The following INPP5K variants were observed in gnomAD, a reference collection of about 807,000 sequenced individuals.
The protein encoded by INPP5K is inositol polyphosphate-5-phosphatase K.
A neutral mutation model predicts 53.5 loss-of-function variants in INPP5K; 35 were observed. That is an observed-to-expected ratio of 0.65 (90% CI 0.50 to 0.87). The LOEUF is 0.87. INPP5K is among the 40% of genes least tolerant of loss of function. The pLI is 0.00. For missense variants in INPP5K, 550 were observed against 586.2 expected (o/e 0.94, Z 0.64); for synonymous variants, 253 against 232.8 (o/e 1.09, Z -0.79).
In INPP5K at chr17:1,513,525, A is replaced by G; in HGVS notation, c.189T>C (p.Leu63=). Residue 63 remains leucine (L), a synonymous_variant, in exon 3 of 12, where the codon CTT becomes CTC. Coordinates refer to ENST00000421807, the MANE Select transcript of INPP5K (RefSeq NM_016532.4). ...QELNSGIISL[L]SDAAFNDSWS... is the part of the protein sequence containing the mutation. ...ACGAGTCATTAAAGGCAGCATCGGA[A>G]AGGAGGCTTATGATCCCAGAGTTCA... is the stretch of plus-strand genomic sequence containing the variant. The G allele has an allele frequency of 6.2e-7, 1 of 1,614,232 alleles. No individual in the cohort carries two copies. The highest frequency in any genetic ancestry group is 8.5e-7 in the Non-Finnish European group (1 of 1,180,038).
chr17:1,501,127 T>G (rs2075001023), intron 7 of INPP5K, among the ~76,000 whole-genome samples: 1 of 152,040 alleles, frequency 6.6e-6, no homozygotes, highest in African/African-American at 2.4e-5. Context: ...GCCCAGCTAA[T>G]TTTTGTATTT....
At chr17:1,502,124 C>T (rs564644852) in intron 7 of INPP5K, among the ~76,000 whole-genome samples, 51 of 151,822 alleles carry the variant, frequency 3.4e-4, no homozygotes, top group East Asian at 2.5e-3. Flanking sequence ...CCAAGGCGGG[C>T]AGATCATGAG....
intron 3 of INPP5K, among the ~76,000 whole-genome samples, chr17:1,510,788 G>A (rs573288647): frequency 3.0e-4 from 46 of 152,140 alleles, no homozygotes; most frequent in African/African-American, 1.0e-3. Flanking sequence ...CAACATGCCC[G>A]GCTATTTTTG....
intron 4 of INPP5K, 28 bp downstream of exon 4, chr17:1,509,655 A>T (rs2075259911): frequency 1.4e-6 from 2 of 1,416,374 alleles, no homozygotes; most frequent in South Asian, 2.3e-5. Context: ...TTCCCAGCTC[A>T]CGACTCAGAC....
intron 9 of INPP5K, 84 bp from the exon 10 acceptor site, chr17:1,496,486 G>T: frequency 1.5e-6 from 2 of 1,353,290 alleles, no homozygotes; most frequent in Non-Finnish European, 2.1e-6. Context: ...TCTCCCTGCT[G>T]GGCCTGGCTA....
intron 3 of INPP5K, among the ~76,000 whole-genome samples, chr17:1,510,007 T>A (rs1347275011): frequency 1.3e-5 from 2 of 152,172 alleles, no homozygotes; most frequent in African/African-American, 4.8e-5. Flanking sequence ...GGGGCTGAGG[T>A]TTTCGATTCT....
Position 1,502,193 on chromosome 17 carries a change from C to CA in INPP5K, c.777-4072dup, listed in dbSNP as rs1334128576. On this transcript the variant is annotated intron_variant, in intron 7 of 11. Coordinates refer to ENST00000421807, the MANE Select transcript of INPP5K (RefSeq NM_016532.4). ...TGAAACCCCGTCTCTACTAAAAATACAAAAAATTAGCCAGGCGTGGTGACG... is the reference window on the plus strand; with the variant it reads ...TGAAACCCCGTCTCTACTAAAAATACAAAAAAATTAGCCAGGCGTGGTGACG... Among the ~76,000 whole-genome samples, 7 of 150,494 alleles carry CA rather than the reference C, an allele frequency of 4.7e-5. No individual in the cohort carries two copies. In the East Asian group the frequency reaches 9.9e-4, roughly 21 times the overall value.
In INPP5K at chr17:1,508,103, C is replaced by T; in HGVS notation, c.666+12G>A. On this transcript the variant is annotated intron_variant, in intron 6 of 11. Transcript: ENST00000421807. ...TCAGATCACCCCCTGGGACCCTCCC[C>T]TCACTGGATACCTGGTCCTTCTCCC... 1.3e-6 allele frequency: 2 copies of T among 1,592,150 alleles called. No individual in the cohort carries two copies. The highest frequency in any genetic ancestry group is 2.7e-5 in the African/African-American group (2 of 74,612).
rs747542155 is a variant in INPP5K at position 1,497,984 on chromosome 17, C to T, written c.915G>A (p.Thr305=). The part of the protein sequence containing the change: ...LSLRGYSSHM[T]YGISDHKPVS... Reference sequence around the variant, plus strand: ...CAGGCTTGTGGTCGCTGATGCCGTACGTCATGTGGCTGCTGTAGCCCCTCA... The same window carrying T: ...CAGGCTTGTGGTCGCTGATGCCGTATGTCATGTGGCTGCTGTAGCCCCTCA... Residue 305 remains threonine (T), a synonymous_variant, in exon 8 of 12, where the codon ACG becomes ACA. Transcript: ENST00000421807. 40 of 1,613,972 alleles carry T rather than the reference C, an allele frequency of 2.5e-5. No homozygotes were observed. In the South Asian group the frequency reaches 2.9e-4, roughly 12 times the overall value.
intron 7 of INPP5K, among the ~76,000 whole-genome samples, chr17:1,502,200 T>C (rs765097097): frequency 1.7e-4 from 26 of 151,720 alleles, no homozygotes; most frequent in Middle Eastern, 3.4e-3. Flanking sequence ...ATACAAAAAA[T>C]TAGCCAGGCG....
intron 3 of INPP5K, among the ~76,000 whole-genome samples, chr17:1,512,055 T>G (rs762072015): frequency 6.6e-6 from 1 of 152,162 alleles, no homozygotes; most frequent in Non-Finnish European, 1.5e-5. Flanking sequence ...CTTCTCAGTC[T>G]ATAGCTGGCA....
Position 1,509,187 on chromosome 17 carries a change from A to G in INPP5K, c.545T>C (p.Leu182Pro). ...NCEGRDIPNI[L>P]DHDLIIWFGD... ...CCAGACCCAGGCTCACTCGTGGTCC[A>G]GGATGTTTGGGATGTCTCGCCCCTC... The change falls in exon 5 of 12, where the codon CTG (leucine) becomes CCG (proline). Residue 182 changes from leucine to proline, a missense_variant. Leu to Pro is a moderately conservative substitution (Grantham distance 98). Transcript: ENST00000421807. 5.6e-6 allele frequency: 9 copies of G among 1,612,772 alleles called. No homozygotes were observed. Among genetic ancestry groups the G allele is most frequent in the Non-Finnish European group, 7.6e-6 (9 of 1,179,908 alleles).
chr17:1,508,030 G>C, intron 6 of INPP5K, 85 bp downstream of exon 6: 1 of 969,322 alleles, frequency 1.0e-6, no homozygotes, highest in South Asian at 1.3e-5. Flanking sequence ...ACAGCAGCGA[G>C]GGCATCTAGC....
At position 1,495,732 on chromosome 17, in the gene INPP5K, G is replaced by T; in HGVS notation, c.*91C>A. 1.1e-6 allele frequency: 1 copy of T among 877,212 alleles called. No individual in the cohort carries two copies. The highest frequency in any genetic ancestry group is 1.4e-5 in the South Asian group (1 of 69,486). The allele number at this position is 877,212 out of a possible 1,614,324, so 54.3% of individuals were successfully genotyped here. On this transcript the variant is annotated 3_prime_UTR_variant, in exon 12 of 12. Coordinates refer to ENST00000421807, the MANE Select transcript of INPP5K (RefSeq NM_016532.4). ...ACGACACTTGGCTGTCTCTTCAGGG[G>T]GCCAGGCTGGGCCCCCAGCACTCCC... is the stretch of plus-strand genomic sequence containing the variant.
chr17:1,500,664 A>G (rs1212358451), intron 7 of INPP5K, among the ~76,000 whole-genome samples: 1 of 151,728 alleles, frequency 6.6e-6, no homozygotes, highest in African/African-American at 2.4e-5. Flanking sequence ...GCGCCCGGCC[A>G]CTGAAACATT....
At chr17:1,498,270 G>A (rs2074916095) in intron 7 of INPP5K, 148 bp from the exon 8 acceptor site, 5 of 620,664 alleles carry the variant, frequency 8.1e-6, no homozygotes, top group Admixed American at 5.8e-5. Context: ...GCCGGAGGGA[G>A]CAAGGCAGCA....
intron 7 of INPP5K, among the ~76,000 whole-genome samples, chr17:1,502,296 T>C (rs1472434053): frequency 5.3e-5 from 8 of 152,036 alleles, no homozygotes; most frequent in East Asian, 1.9e-4. Flanking sequence ...TTGTAGTGAG[T>C]GGAGATCGCG....
At chr17:1,501,318 GAGTA>G (rs766391068) in intron 7 of INPP5K, among the ~76,000 whole-genome samples, 18 of 152,204 alleles carry the variant, frequency 1.2e-4, no homozygotes, top group Non-Finnish European at 2.2e-4. Context: ...AACAGTAAAA[GAGTA>G]AGTATTCTAG....
At position 1,495,850 on chromosome 17, in the gene INPP5K, T is replaced by C; in HGVS notation, c.1320A>G (p.Pro440=). 6.2e-7 allele frequency: 1 copy of C among 1,613,512 alleles called. No individual in the cohort carries two copies. The highest frequency in any genetic ancestry group is 8.5e-7 in the Non-Finnish European group (1 of 1,179,558). The change falls in exon 12 of 12, where the codon CCA becomes CCG. Residue 440 remains proline (P), a synonymous_variant. Coordinates refer to ENST00000421807, the MANE Select transcript of INPP5K (RefSeq NM_016532.4). ...AGATCTGTGGCTGTGCTTCACCCAGTGGGTCCTCCCTCAAGGAGCCAGGCG... is the reference window on the plus strand; with the variant it reads ...AGATCTGTGGCTGTGCTTCACCCAGCGGGTCCTCCCTCAAGGAGCCAGGCG... ...QIPPGSLRED[P]LGEAQPQI
Sources: gnomAD v4.1 joint callset for allele counts (sites outside exome capture counted in the v4.1 genomes callset) on GRCh38, gnomAD v4.1.1 for gene constraint, MANE v1.5 for transcripts, NCBI Gene and HGNC (gene_info 2026-07-23, HGNC 2026-07-21) for gene names.